PHYHIPL: variants seen among roughly 807,000 people sequenced by gnomAD.
PHYHIPL encodes the protein phytanoyl-CoA hydroxylase-interacting protein-like.
In PHYHIPL, 9 loss-of-function variants were observed where a neutral mutation model predicts 33.4. The observed-to-expected ratio is 0.27, with a 90% confidence interval of 0.16 to 0.47. The LOEUF (loss-of-function observed/expected upper bound fraction) is 0.47, where lower values mean the gene tolerates loss of function less well. PHYHIPL is among the 20% of genes least tolerant of loss of function. PHYHIPL has a pLI of 0.99. For missense variants in PHYHIPL, 365 were observed against 460.7 expected, an observed-to-expected ratio of 0.79 and a Z score of 1.90; for synonymous variants, 153 against 154.1, an observed-to-expected ratio of 0.99 and a Z score of 0.05.
At chr10:59,174,791 C>T (rs868394310), upstream of PHYHIPL, among the ~76,000 whole-genome samples, 2 of 152,170 alleles carry the variant, frequency 1.3e-5, no homozygotes. Context: ...AAACCTCGTG[C>T]GTGCTTCTAC....
chr10:59,193,736 A>C (rs1838838428), intron 1 of PHYHIPL, among the ~76,000 whole-genome samples: 1 of 152,042 alleles, frequency 6.6e-6, no homozygotes, highest in African/African-American at 2.4e-5. Flanking sequence ...GCTAAGGCTG[A>C]ATATTTGAGC....
chr10:59,205,962 G>T (rs1440733480), intron 1 of PHYHIPL, among the ~76,000 whole-genome samples: 1 of 152,106 alleles, frequency 6.6e-6, no homozygotes, highest in Non-Finnish European at 1.5e-5. Context: ...AGGAACTTAA[G>T]GTCAGGATTT....
At chr10:59,176,640 C>T, upstream of PHYHIPL, 1 of 493,100 alleles carries the variant, frequency 2.0e-6, no homozygotes, top group Admixed American at 4.0e-5. Flanking sequence ...TGCTCGGTCT[C>T]TCAGAGCCGC....
upstream of PHYHIPL, among the ~76,000 whole-genome samples, chr10:59,173,616 T>C (rs1196202841): frequency 2.0e-5 from 3 of 152,208 alleles, no homozygotes; most frequent in Non-Finnish European, 4.4e-5. Flanking sequence ...TCTTGACCTG[T>C]CTGAGCATGC....
rs1252628424 is a variant in PHYHIPL, at chr10:59,247,597, A to G, written c.*2006A>G. 3 of 1,613,066 alleles carry G rather than the reference A, an allele frequency of 1.9e-6. No individual in the cohort carries two copies. The highest frequency in any genetic ancestry group is 3.3e-5 in the Admixed American group (2 of 59,968). On this transcript the variant is annotated 3_prime_UTR_variant, in exon 5 of 5. Transcript: ENST00000373880. ...CTTTATATCATGGGTGAAAGTGATC[A>G]TAACATTTCCTGAACCTCAAATAGT... is the stretch of plus-strand genomic sequence containing the variant.
intron 1 of PHYHIPL, among the ~76,000 whole-genome samples, chr10:59,180,832 T>A (rs1838396064): frequency 6.6e-6 from 1 of 152,158 alleles, no homozygotes; most frequent in Non-Finnish European, 1.5e-5. Flanking sequence ...AAATAAAAAG[T>A]AACAAATGCT....
upstream of PHYHIPL, among the ~76,000 whole-genome samples, chr10:59,176,082 C>A (rs544745979): frequency 6.6e-6 from 1 of 152,312 alleles, no homozygotes; most frequent in Non-Finnish European, 1.5e-5. Flanking sequence ...TCAGGTAATC[C>A]GCTCATTTCT....
chr10:59,243,878 A>G (rs2133305902), intron 4 of PHYHIPL, among the ~76,000 whole-genome samples: 1 of 152,292 alleles, frequency 6.6e-6, no homozygotes, highest in South Asian at 2.1e-4. Context: ...ATGCTAAAGG[A>G]ACCAAGAACT....
At chr10:59,241,475 C>A (rs1840394220) in intron 4 of PHYHIPL, among the ~76,000 whole-genome samples, 1 of 152,118 alleles carries the variant, frequency 6.6e-6, no homozygotes, top group South Asian at 2.1e-4. Context: ...ACTAGGTAGT[C>A]TAATTGTCCT....
At chr10:59,204,376 G>C (rs1839226181) in intron 1 of PHYHIPL, among the ~76,000 whole-genome samples, 1 of 152,122 alleles carries the variant, frequency 6.6e-6, no homozygotes, top group Non-Finnish European at 1.5e-5. Context: ...GTGATTACAA[G>C]TTAAATAAAG....
In PHYHIPL at chr10:59,181,379, A is replaced by T. The variant is rs544266855; in HGVS notation, c.106+4420A>T. On this transcript the variant is annotated intron_variant, in intron 1 of 4. Transcript: ENST00000373880. ...ATAATCTGTAAATTCTGAATTTTAA[A>T]GAATAGTAAATTTTGAAATCACAAT... is the stretch of plus-strand genomic sequence containing the variant. Among the ~76,000 whole-genome samples the T allele has an allele frequency of 2.0e-5, 3 of 152,276 alleles. No homozygotes were observed. The East Asian group carries it at 5.8e-4, about 29-fold the overall frequency.
intron 1 of PHYHIPL, among the ~76,000 whole-genome samples, chr10:59,203,414 TG>T (rs1434216320): frequency 6.6e-6 from 1 of 152,176 alleles, no homozygotes; most frequent in Non-Finnish European, 1.5e-5. Flanking sequence ...ATCCCATTAC[TG>T]GGTATATACC....
At chr10:59,217,682 A>G (rs1379896562) in intron 1 of PHYHIPL, among the ~76,000 whole-genome samples, 2 of 151,870 alleles carry the variant, frequency 1.3e-5, no homozygotes, top group Non-Finnish European at 2.9e-5. Context: ...AATAAATTAT[A>G]TTTTATAAAT....
intron 1 of PHYHIPL, among the ~76,000 whole-genome samples, chr10:59,215,385 T>C (rs1839586787): frequency 6.6e-6 from 1 of 152,064 alleles, no homozygotes; most frequent in African/African-American, 2.4e-5. Flanking sequence ...AAATGAATAA[T>C]AACTAAAATT....
chr10:59,206,812 C>T (rs1187377750), intron 1 of PHYHIPL: 1 of 1,222,676 alleles, frequency 8.2e-7, no homozygotes, highest in South Asian at 1.4e-5. Context: ...ACCATTGGTT[C>T]ATGGCAAGTT....
At chr10:59,230,500 G>A (rs2133278198) in intron 1 of PHYHIPL, among the ~76,000 whole-genome samples, 1 of 152,182 alleles carries the variant, frequency 6.6e-6, no homozygotes, top group East Asian at 1.9e-4. Context: ...CAGGCACGAG[G>A]CACTGAGCTG....
At chr10:59,199,460 C>T (rs970534943) in intron 1 of PHYHIPL, among the ~76,000 whole-genome samples, 1 of 152,094 alleles carries the variant, frequency 6.6e-6, no homozygotes, top group Non-Finnish European at 1.5e-5. Context: ...GTTACCGTAG[C>T]CTTGTAGTAT....
At chr10:59,176,346 G>T (rs1343456421), upstream of PHYHIPL, among the ~76,000 whole-genome samples, 2 of 152,182 alleles carry the variant, frequency 1.3e-5, no homozygotes, top group East Asian at 3.9e-4. Flanking sequence ...ACGCCAAATG[G>T]CTATCACCAG....
intron 1 of PHYHIPL, among the ~76,000 whole-genome samples, chr10:59,226,359 A>G: frequency 6.6e-6 from 1 of 152,190 alleles, no homozygotes. Context: ...GGTGGTTCCC[A>G]AAGAACCAAA....
Sources: allele counts gnomAD v4.1 joint callset (sites outside exome capture counted in the v4.1 genomes callset), GRCh38; gene constraint gnomAD v4.1.1; transcripts MANE v1.5; gene names NCBI Gene and HGNC (gene_info 2026-07-23, HGNC 2026-07-21).